The following BPIFC variants were observed in gnomAD, a reference collection of about 807,000 sequenced individuals.
BPIFC encodes BPI fold containing family C, also known as BPI fold-containing family C protein.
BPIFC carries 60 observed loss-of-function variants against 57.6 expected under a neutral mutation model. The observed-to-expected ratio is 1.04, with a 90% CI of 0.85 to 1.29. BPIFC has a LOEUF of 1.29. Ranked by LOEUF, BPIFC falls within the 50% of genes most tolerant of loss-of-function variation. The probability of loss-of-function intolerance (pLI) is 0.00; values close to 1 mark genes in which losing one functional copy is unlikely to be tolerated. For missense variants in BPIFC, 581 were observed against 600.5 expected, an observed-to-expected ratio of 0.97 and a Z score of 0.34; for synonymous variants, 243 against 224.5, an observed-to-expected ratio of 1.08 and a Z score of -0.74.
Position 32,434,303 on chromosome 22 carries a change from CTT to C in BPIFC, c.925-533_925-532del, listed in dbSNP as rs577293391. Among the ~76,000 whole-genome samples the C allele has an allele frequency of 3.4e-3, 498 of 145,838 alleles. 2 individuals are homozygous for C. Among genetic ancestry groups the C allele is most frequent in the African/African-American group, 0.012 (487 of 39,846 alleles). ...ATATTACACTCTATATGTACATAGT[CTT>C]TATATATATATTACACTCTGTGTAC... On this transcript the variant is annotated intron_variant, in intron 10 of 16. Coordinates refer to ENST00000300399, the MANE Select transcript of BPIFC (RefSeq NM_174932.3).
At chr22:32,427,671 C>G (rs1021001925) in intron 13 of BPIFC, among the ~76,000 whole-genome samples, 2 of 152,184 alleles carry the variant, frequency 1.3e-5, no homozygotes, top group African/African-American at 2.4e-5. Context: ...TTCCTTCCCC[C>G]CTCACCCTCA....
intron 9 of BPIFC, 75 bp from the exon 10 acceptor site, chr22:32,435,955 C>T (rs1252154534): frequency 5.4e-6 from 8 of 1,479,294 alleles, no homozygotes; most frequent in Non-Finnish European, 7.3e-6. Flanking sequence ...AAGATGGACC[C>T]TCTGAAGTCA....
chr22:32,449,525 T>C (rs1934825777), intron 4 of BPIFC, among the ~76,000 whole-genome samples: 1 of 152,236 alleles, frequency 6.6e-6, no homozygotes. Context: ...GAGATTCATT[T>C]ACTATATCTT....
intron 11 of BPIFC, 105 bp downstream of exon 11, chr22:32,433,614 A>T: frequency 1.0e-6 from 1 of 968,466 alleles, no homozygotes; most frequent in Non-Finnish European, 1.6e-6. Context: ...CCAATAATAG[A>T]CAGAGGGACT....
At chr22:32,418,747 A>G (rs1486268277) in intron 14 of BPIFC, among the ~76,000 whole-genome samples, 1 of 152,174 alleles carries the variant, frequency 6.6e-6, no homozygotes, top group Non-Finnish European at 1.5e-5. Context: ...GCATTCTGAC[A>G]CCGAAACCCA....
At chr22:32,447,441 A>G (rs1934762145) in intron 4 of BPIFC, 101 bp from the exon 5 acceptor site, 2 of 1,403,364 alleles carry the variant, frequency 1.4e-6, no homozygotes, top group East Asian at 2.4e-5. Flanking sequence ...CATTGAGGCC[A>G]TTGTGAACTC....
At chr22:32,451,315 G>C (rs767202958) in intron 4 of BPIFC, among the ~76,000 whole-genome samples, 1 of 152,172 alleles carries the variant, frequency 6.6e-6, no homozygotes, top group Non-Finnish European at 1.5e-5. Context: ...GCTATTGTGA[G>C]TAGTGCCACG....
intron 7 of BPIFC, among the ~76,000 whole-genome samples, chr22:32,443,088 G>A (rs1434849242): frequency 3.9e-5 from 6 of 152,044 alleles, no homozygotes; most frequent in African/African-American, 1.2e-4. Flanking sequence ...TTTCCTGACT[G>A]CTGGGGGTGC....
At chr22:32,460,527 C>T (rs556918793) in intron 2 of BPIFC, among the ~76,000 whole-genome samples, 1 of 152,304 alleles carries the variant, frequency 6.6e-6, no homozygotes, top group African/African-American at 2.4e-5. Flanking sequence ...ACATCTCTCA[C>T]CTGATCTCCT....
rs1933978666 is a variant in BPIFC at position 32,424,674 on chromosome 22, CTT to C, written c.1218-5272_1218-5271del. Among the ~76,000 whole-genome samples, 110 of 90,544 alleles carry C rather than the reference CTT, an allele frequency of 1.2e-3. 1 individual carries two copies. The highest frequency in any genetic ancestry group is 1.6e-3 in the Non-Finnish European group (81 of 49,674). The allele number at this position is 90,544 out of a possible 152,430, so 59.4% of individuals were successfully genotyped here. A position where few individuals can be genotyped will look rare whatever the true frequency, so the allele number is the denominator to read the frequency against. ...TCTTCTTCTTCTTCTTCTTCTTCTT[CTT>C]CTTCTTCTTCTTCTTCCTCTTCTTC... On this transcript the variant is annotated intron_variant, in intron 13 of 16. Coordinates refer to ENST00000300399, the MANE Select transcript of BPIFC (RefSeq NM_174932.3).
In BPIFC at chr22:32,436,406, G is replaced by A. The variant is rs140583481; in HGVS notation, c.748-526C>T. On this transcript the variant is annotated intron_variant, in intron 9 of 16. Transcript: ENST00000300399. The stretch of plus-strand genomic sequence containing the variant: ...AGGAGGAGGAGGAAGAGGAGGAGGA[G>A]GAGGGAAAAGAAGGAGAAGGAGAAG... 1.1e-3 allele frequency among the ~76,000 whole-genome samples: 167 copies of A among 149,442 alleles called. 1 individual carries two copies. Among genetic ancestry groups the A allele is most frequent in the African/African-American group, 3.8e-3 (155 of 40,472 alleles).
At chr22:32,416,980 T>C in intron 15 of BPIFC, 105 bp downstream of exon 15, 1 of 1,035,986 alleles carries the variant, frequency 9.7e-7, no homozygotes, top group Non-Finnish European at 1.5e-6. Flanking sequence ...ATGATAGAAG[T>C]ACAAGCTTCA....
At chr22:32,419,256 G>A (rs1289898536) in intron 14 of BPIFC, 106 bp downstream of exon 14, 19 of 1,194,002 alleles carry the variant, frequency 1.6e-5, no homozygotes, top group Non-Finnish European at 2.1e-5. Flanking sequence ...AATTATGGAG[G>A]AATCAAGGAC....
intron 2 of BPIFC, among the ~76,000 whole-genome samples, chr22:32,457,751 C>T (rs990585886): frequency 6.6e-6 from 1 of 152,166 alleles, no homozygotes; most frequent in Non-Finnish European, 1.5e-5. Context: ...TCCTTCAGGG[C>T]CAGCTCCATG....
intron 3 of BPIFC, among the ~76,000 whole-genome samples, chr22:32,454,053 G>C (rs1000961418): frequency 1.3e-5 from 2 of 152,206 alleles, no homozygotes; most frequent in African/African-American, 4.8e-5. Flanking sequence ...CGAGGCTGCA[G>C]TAAGCCATGA....
chr22:32,430,260 G>A (rs58900751), intron 13 of BPIFC, among the ~76,000 whole-genome samples: 2,234 of 152,240 alleles, frequency 0.015, 50 homozygotes, highest in African/African-American at 0.051. Flanking sequence ...TGCAGATAAG[G>A]AAACTGAGGC....
intron 5 of BPIFC, 50 bp from the exon 6 acceptor site, chr22:32,446,046 G>T (rs753145902): frequency 2.9e-5 from 46 of 1,592,962 alleles, no homozygotes; most frequent in Non-Finnish European, 3.9e-5. Flanking sequence ...GCACAGAGAT[G>T]GATCTTGTTT....
chr22:32,438,447 A>G (rs533217103), intron 8 of BPIFC, among the ~76,000 whole-genome samples: 2 of 152,134 alleles, frequency 1.3e-5, no homozygotes, highest in Non-Finnish European at 2.9e-5. Context: ...ACTGGAGTGC[A>G]GTGGTACAAT....
chr22:32,432,667 CT>C, intron 11 of BPIFC, 124 bp from the exon 12 acceptor site: 1 of 907,730 alleles, frequency 1.1e-6, no homozygotes, highest in Non-Finnish European at 1.6e-6. Flanking sequence ...AAAAAAAGCT[CT>C]TTAATAATCA....
Sources: allele counts gnomAD v4.1 joint callset (sites outside exome capture counted in the v4.1 genomes callset), GRCh38; gene constraint gnomAD v4.1.1; transcripts MANE v1.5; gene names NCBI Gene and HGNC (gene_info 2026-07-23, HGNC 2026-07-21).